Variants in KDM2B observed in about 807,000 individuals in gnomAD.
The protein encoded by KDM2B is lysine demethylase 2B.
In KDM2B, 26 loss-of-function variants were observed where a neutral mutation model predicts 150.0. That is an observed-to-expected ratio of 0.17 (90% confidence interval 0.13 to 0.24). KDM2B has a LOEUF of 0.24. Ranked by LOEUF, KDM2B falls within the 10% of genes least tolerant of loss-of-function variation. The pLI, the probability that KDM2B is intolerant of heterozygous loss-of-function variation, is 1.00. For synonymous variants in KDM2B, 734 were observed against 729.5 expected, an observed-to-expected ratio of 1.01 and a Z score of -0.10; for missense variants, 1,265 against 1,816.9, an observed-to-expected ratio of 0.70 and a Z score of 5.52.
chr12:121,432,709 C>T (rs1409925396), intron 22 of KDM2B, among the ~76,000 whole-genome samples: 1 of 152,224 alleles, frequency 6.6e-6, no homozygotes, highest in Admixed American at 6.5e-5. Flanking sequence ...CCATCTTGAC[C>T]CTGTTCCCAG....
In KDM2B at chr12:121,443,093, A is replaced by ACACCC. The variant is rs1196245286; in HGVS notation, c.2566-68_2566-64dup. On this transcript the variant is annotated intron_variant, in intron 17 of 22. Transcript: ENST00000377071. ...GGGCTCGTGGGATTTGGTCTCCTCGACACCCCACCCCACCACGAGTCCACA... is the reference window on the plus strand; with the variant it reads ...GGGCTCGTGGGATTTGGTCTCCTCGACACCCCACCCCACCCCACCACGAGTCCACA... 16 of 1,499,572 alleles carry ACACCC rather than the reference A, an allele frequency of 1.1e-5. No homozygotes were observed. The African/African-American group carries it at 1.9e-4, about 18-fold the overall frequency. The allele number at this position is 1,499,572 out of a possible 1,614,324, so 92.9% of individuals were successfully genotyped here.
At chr12:121,411,166 A>G in the KDM2B span, among the ~76,000 whole-genome samples, 24 of 152,262 alleles carry the variant, frequency 1.6e-4, no homozygotes, top group African/African-American at 5.3e-4. Context: ...GGCCTCAAAC[A>G]ATCCTCCCAC....
chr12:121,486,657 G>A (rs1284338229), intron 12 of KDM2B, among the ~76,000 whole-genome samples: 1 of 151,994 alleles, frequency 6.6e-6, no homozygotes, highest in African/African-American at 2.4e-5. Flanking sequence ...GTGGTAGCAG[G>A]TGCCTATAAT....
At chr12:121,463,353 T>C (rs550738988) in intron 12 of KDM2B, among the ~76,000 whole-genome samples, 62 of 150,766 alleles carry the variant, frequency 4.1e-4, no homozygotes, top group African/African-American at 1.5e-3. Context: ...ACCTAATGCA[T>C]GTGGGGCTTA....
intron 12 of KDM2B, among the ~76,000 whole-genome samples, chr12:121,486,477 C>T (rs1161943714): frequency 6.6e-6 from 1 of 151,444 alleles, no homozygotes; most frequent in Non-Finnish European, 1.5e-5. Flanking sequence ...CTGCGCCCGG[C>T]ATTTTACCAT....
chr12:121,511,736 G>A (rs1267753450), intron 10 of KDM2B, among the ~76,000 whole-genome samples: 1 of 152,220 alleles, frequency 6.6e-6, no homozygotes, highest in Non-Finnish European at 1.5e-5. Flanking sequence ...TGAATTGTGT[G>A]ATATGGGAAC....
intron 8 of KDM2B, among the ~76,000 whole-genome samples, chr12:121,523,756 A>C (rs1324890084): frequency 2.0e-5 from 3 of 152,246 alleles, no homozygotes; most frequent in African/African-American, 7.2e-5. Flanking sequence ...TGCCGGGTAC[A>C]GGCACGAGGG....
At chr12:121,420,283 T>TGAC in the KDM2B span, 10 of 1,595,398 alleles carry the variant, frequency 6.3e-6, no homozygotes, top group Non-Finnish European at 8.5e-6. Flanking sequence ...AAGATGATGA[T>TGAC]GACGACGATG....
At chr12:121,478,953 A>G (rs1351560596) in intron 12 of KDM2B, among the ~76,000 whole-genome samples, 2 of 149,600 alleles carry the variant, frequency 1.3e-5, no homozygotes, top group Non-Finnish European at 3.0e-5. Context: ...CCTGGGCTCA[A>G]CTGATCTTCC....
In KDM2B at chr12:121,442,353, C is replaced by A. The variant is rs537791230; in HGVS notation, c.3088G>T (p.Val1030Leu). 6.9e-6 allele frequency: 8 copies of A among 1,166,440 alleles called. No individual in the cohort carries two copies. Among genetic ancestry groups the A allele is most frequent in the Non-Finnish European group, 2.3e-6 (2 of 853,898 alleles). The allele number at this position is 1,166,440 out of a possible 1,614,324, so 72.3% of individuals were successfully genotyped here. A position where few individuals can be genotyped will look rare whatever the true frequency, so the allele number is the denominator to read the frequency against. Residue 1030 changes from valine (V) to leucine (L), a missense_variant, in exon 19 of 23, where the codon GTG (valine) becomes TTG (leucine). By Grantham distance (32) the Val-to-Leu change is conservative. Around this residue, in one of 11 missense-constraint regions of KDM2B, gnomAD observed 418 missense variants for 402.4 expected, o/e 1.04. Transcript: ENST00000377071. This position sits in a 1 kb window ranked among gnomAD's most constrained non-coding sequence, Gnocchi z 7.7. Reference protein sequence around the residue: ...PRVISRPPPSVSPPKCIQMER... With the variant: ...PRVISRPPPSLSPPKCIQMER... ...ATCTGGATACACTTGGGCGGGGACACGGAGGGTGGGGGCCGGGAGATGACA... is the reference window on the plus strand; with the variant it reads ...ATCTGGATACACTTGGGCGGGGACAAGGAGGGTGGGGGCCGGGAGATGACA...
chr12:121,436,825 A>C (rs1317022798), intron 22 of KDM2B, among the ~76,000 whole-genome samples: 1 of 152,230 alleles, frequency 6.6e-6, no homozygotes, highest in African/African-American at 2.4e-5. Context: ...GAGAGAAAAT[A>C]GATTCACTGA....
chr12:121,413,521 C>T, the KDM2B span, among the ~76,000 whole-genome samples: 1 of 150,228 alleles, frequency 6.7e-6, no homozygotes, highest in Non-Finnish European at 1.5e-5. Context: ...AAGCGATTCT[C>T]CTGCCTCAGC....
intron 12 of KDM2B, chr12:121,470,398 G>A (rs1555295759): frequency 6.6e-6 from 1 of 152,174 alleles, no homozygotes; most frequent in African/African-American, 2.4e-5. Context: ...TCACTTCACA[G>A]GTGAGGAAAT....
intron 6 of KDM2B, among the ~76,000 whole-genome samples, chr12:121,547,700 A>G (rs991355161): frequency 7.7e-6 from 1 of 129,692 alleles, no homozygotes; most frequent in South Asian, 2.4e-4. Flanking sequence ...CCCAGGCTGG[A>G]GTGCAGTGGC....
At chr12:121,487,495 C>T (rs1566327663) in intron 12 of KDM2B, among the ~76,000 whole-genome samples, 7 of 152,166 alleles carry the variant, frequency 4.6e-5, no homozygotes, top group Non-Finnish European at 1.0e-4. Flanking sequence ...CTGGGACCCT[C>T]ATCCTGGCCC....
chr12:121,579,309 G>A (rs927389209), intron 1 of KDM2B, among the ~76,000 whole-genome samples: 4 of 152,234 alleles, frequency 2.6e-5, no homozygotes, highest in Non-Finnish European at 5.9e-5. Context: ...GGGCTGGCGG[G>A]GCAAATGTAG....
At position 121,475,750 on chromosome 12, in the gene KDM2B, AG is replaced by A. The variant is rs1881293662; in HGVS notation, c.1734+18828del. ...CTATAAAAAAAAATTTTTTTTAGAA[AG>A]AAAATCTTGGAGATGAGGAGAAGAC... On this transcript the variant is annotated intron_variant, in intron 12 of 22. Transcript: ENST00000377071. 2.0e-5 allele frequency among the ~76,000 whole-genome samples: 3 copies of A among 151,614 alleles called. No individual in the cohort carries two copies. In the South Asian group the frequency reaches 6.2e-4, roughly 31 times the overall value.
intron 6 of KDM2B, among the ~76,000 whole-genome samples, chr12:121,547,564 A>T (rs1889153993): frequency 6.6e-6 from 1 of 150,842 alleles, no homozygotes; most frequent in Non-Finnish European, 1.5e-5. Context: ...ATGCTAATGG[A>T]TTCAGGCCGC....
At chr12:121,487,756 C>T (rs1219525881) in intron 12 of KDM2B, among the ~76,000 whole-genome samples, 3 of 151,942 alleles carry the variant, frequency 2.0e-5, no homozygotes, top group Admixed American at 6.6e-5. Context: ...GGACTCCTCC[C>T]GTCTAGGAGG....
Sources: gnomAD v4.1 joint callset for allele counts (sites outside exome capture counted in the v4.1 genomes callset) on GRCh38, gnomAD v4.1.1 for gene constraint, gnomAD v4.1.1 regional missense constraint, Gnocchi (gnomAD v3.1) non-coding constraint, MANE v1.5 for transcripts, NCBI Gene and HGNC (gene_info 2026-07-23, HGNC 2026-07-21) for gene names.